The following BAZ2B variants were observed in gnomAD, a reference collection of about 807,000 sequenced individuals.
BAZ2B encodes the protein bromodomain adjacent to zinc finger domain protein 2B.
A neutral mutation model predicts 246.0 loss-of-function variants in BAZ2B; 91 were observed. The observed-to-expected ratio is 0.37, with a 90% confidence interval of 0.31 to 0.44. The LOEUF (loss-of-function observed/expected upper bound fraction) is 0.44. Among genes scored for constraint, BAZ2B ranks in the 20% least tolerant of loss-of-function variants. The pLI, the probability that BAZ2B is intolerant of heterozygous loss-of-function variation, is 1.00. For missense variants in BAZ2B, 2,332 were observed against 2,533.7 expected (o/e 0.92, Z 1.71); for synonymous variants, 855 against 860.0 (o/e 0.99, Z 0.10).
At chr2:159,462,754 GT>G in intron 3 of BAZ2B, 1 of 1,422,310 alleles carries the variant, frequency 7.0e-7, no homozygotes, top group Non-Finnish European at 9.9e-7. Flanking sequence ...CATTCCAGAA[GT>G]TTTTAGGCTG....
chr2:159,355,296 A>G (rs1431173453), intron 27 of BAZ2B, among the ~76,000 whole-genome samples: 1 of 152,156 alleles, frequency 6.6e-6, no homozygotes, highest in Non-Finnish European at 1.5e-5. Context: ...TCTTCAGTTG[A>G]CAGTGTTACC....
chr2:159,367,344 A>G (rs2060324392), intron 27 of BAZ2B, among the ~76,000 whole-genome samples: 1 of 152,160 alleles, frequency 6.6e-6, no homozygotes, highest in Admixed American at 6.5e-5. Context: ...ATCATCACCA[A>G]TAAACATTAT....
intron 13 of BAZ2B, 80 bp from the exon 14 acceptor site, chr2:159,412,625 T>G: frequency 7.4e-7 from 1 of 1,354,000 alleles, no homozygotes; most frequent in Non-Finnish European, 1.0e-6. Context: ...AAATTCTAGC[T>G]AAAAATCACA....
chr2:159,661,793 T>C, the BAZ2B span, among the ~76,000 whole-genome samples: 1 of 152,152 alleles, frequency 6.6e-6, no homozygotes, highest in Non-Finnish European at 1.5e-5. Flanking sequence ...TTTTTTTTAA[T>C]TGAGACAAGG....
chr2:159,679,246 T>C, the BAZ2B span, among the ~76,000 whole-genome samples: 1 of 115,300 alleles, frequency 8.7e-6, no homozygotes, highest in Non-Finnish European at 1.6e-5. Flanking sequence ...CACTCCAGCC[T>C]GGGTGACAGA....
chr2:159,501,547 TA>T (rs1384461207), intron 2 of BAZ2B, among the ~76,000 whole-genome samples: 1 of 151,938 alleles, frequency 6.6e-6, no homozygotes, highest in East Asian at 1.9e-4. Context: ...AACTCAGTAA[TA>T]AAATTATTCT....
the BAZ2B span, among the ~76,000 whole-genome samples, chr2:159,670,040 G>A: frequency 4.0e-5 from 6 of 151,840 alleles, no homozygotes; most frequent in Admixed American, 2.6e-4. Flanking sequence ...GTGTGACCTC[G>A]GCTCACTGCA....
intron 31 of BAZ2B, among the ~76,000 whole-genome samples, chr2:159,341,462 T>C (rs935842897): frequency 2.6e-5 from 4 of 152,166 alleles, no homozygotes; most frequent in South Asian, 2.1e-4. Flanking sequence ...ACTGTCAGCA[T>C]TGGACAGATT....
chr2:159,589,862 T>C (rs1688889266), intron 1 of BAZ2B, among the ~76,000 whole-genome samples: 1 of 152,000 alleles, frequency 6.6e-6, no homozygotes, highest in African/African-American at 2.4e-5. Flanking sequence ...TAAGAAGAAT[T>C]TCCCAAACCT....
At chr2:159,611,822 C>T (rs958504360) in intron 1 of BAZ2B, among the ~76,000 whole-genome samples, 1 of 151,808 alleles carries the variant, frequency 6.6e-6, no homozygotes, top group Non-Finnish European at 1.5e-5. Flanking sequence ...ATCTTATTTA[C>T]ATGAATTTTT....
intron 19 of BAZ2B, chr2:159,397,039 C>T (rs566840543): frequency 1.4e-4 from 187 of 1,339,894 alleles, no homozygotes; most frequent in Admixed American, 8.8e-4. Flanking sequence ...AATCACAATG[C>T]GGTGTTAGAT....
At chr2:159,501,165 T>C (rs1465597441) in intron 2 of BAZ2B, among the ~76,000 whole-genome samples, 1 of 102,398 alleles carries the variant, frequency 9.8e-6, no homozygotes, top group African/African-American at 3.8e-5. Flanking sequence ...TATAAATATA[T>C]AATATATATT....
chr2:159,587,166 C>T (rs912417677), intron 1 of BAZ2B, among the ~76,000 whole-genome samples: 1 of 151,948 alleles, frequency 6.6e-6, no homozygotes, highest in African/African-American at 2.4e-5. Flanking sequence ...GCAAGCTCCA[C>T]CTCCCGGGTT....
intron 18 of BAZ2B, 61 bp from the exon 19 acceptor site, chr2:159,397,450 T>C: frequency 8.9e-7 from 1 of 1,123,338 alleles, no homozygotes; most frequent in Admixed American, 2.5e-5. Flanking sequence ...ATGCTAAAAG[T>C]ATTAAAAGTT....
the BAZ2B span, among the ~76,000 whole-genome samples, chr2:159,685,259 G>A: frequency 5.9e-5 from 9 of 152,148 alleles, no homozygotes; most frequent in Non-Finnish European, 1.2e-4. Flanking sequence ...ACAACTTCCA[G>A]ATACCAAGTG....
At chr2:159,385,074 T>C in intron 23 of BAZ2B, 81 bp downstream of exon 23, 20 of 1,430,886 alleles carry the variant, frequency 1.4e-5, no homozygotes, top group Non-Finnish European at 1.8e-5. Flanking sequence ...CTTTCCAATT[T>C]TCTATAATCA....
chr2:159,430,428 T>C (rs2150157802), intron 10 of BAZ2B, among the ~76,000 whole-genome samples: 1 of 152,248 alleles, frequency 6.6e-6, no homozygotes, highest in East Asian at 1.9e-4. Context: ...ACTATTCATG[T>C]TATCAGTAAG....
intron 1 of BAZ2B, among the ~76,000 whole-genome samples, chr2:159,580,397 G>T (rs998713218): frequency 1.3e-5 from 2 of 151,920 alleles, no homozygotes; most frequent in Non-Finnish European, 2.9e-5. Context: ...TACAAACCAC[G>T]GCTCAACAAA....
At chr2:159,479,839 C>G (rs191939296) in intron 2 of BAZ2B, among the ~76,000 whole-genome samples, 2 of 152,098 alleles carry the variant, frequency 1.3e-5, no homozygotes, top group East Asian at 1.9e-4. Flanking sequence ...TTTCAATGAG[C>G]CTTCTAATCA....
Sources: allele counts gnomAD v4.1 joint callset (sites outside exome capture counted in the v4.1 genomes callset), GRCh38; gene constraint gnomAD v4.1.1; transcripts MANE v1.5; gene names NCBI Gene and HGNC (gene_info 2026-07-23, HGNC 2026-07-21).